TCIRG1: variants seen among roughly 807,000 people sequenced by gnomAD.
TCIRG1 encodes T cell immune regulator 1, ATPase H+ transporting V0 subunit a3.
Under a neutral mutation model 95.5 loss-of-function variants are expected in TCIRG1, and 86 were observed. That is an observed-to-expected ratio of 0.90 (90% CI 0.76 to 1.08). The LOEUF (loss-of-function observed/expected upper bound fraction) is 1.08. TCIRG1 is among the 50% of genes least tolerant of loss of function. TCIRG1 has a pLI of 0.00. For synonymous variants in TCIRG1, 499 were observed against 501.3 expected, an observed-to-expected ratio of 1.00 and a Z score of 0.06; for missense variants, 1,069 against 1,140.2, an observed-to-expected ratio of 0.94 and a Z score of 0.90.
Position 68,045,021 on chromosome 11 carries a change from A to G in TCIRG1, c.1084A>G (p.Ile362Val), listed in dbSNP as rs757401335. Residue 362 changes from isoleucine (I) to valine (V), a missense_variant, in exon 10 of 20, where the codon ATC (isoleucine) becomes GTC (valine). Transcript: ENST00000265686. ...CTGCCGGGACATGCCCCCCACACTC[A>G]TCCGCACCAACCGCTTCACGGCCAG... The part of the protein sequence containing the change: ...IPCRDMPPTL[I>V]RTNRFTASFQ... 37 of 1,608,104 alleles carry G rather than the reference A, an allele frequency of 2.3e-5. No individual in the cohort carries two copies. Among genetic ancestry groups the G allele is most frequent in the Non-Finnish European group, 3.0e-5 (35 of 1,179,992 alleles).
At chr11:68,047,626 A>C (rs1314873513) in intron 11 of TCIRG1, 21 bp from the exon 12 acceptor site, 1 of 1,612,654 alleles carries the variant, frequency 6.2e-7, no homozygotes, top group Non-Finnish European at 8.5e-7. Flanking sequence ...GCAGCCCCTC[A>C]CCACACCACT....
intron 3 of TCIRG1, 22 bp downstream of exon 3, chr11:68,041,853 A>G (rs1855186906): frequency 3.1e-6 from 5 of 1,588,660 alleles, no homozygotes; most frequent in Non-Finnish European, 4.3e-6. Flanking sequence ...CCAGGCCTAC[A>G]TTCCAGGCAG....
At chr11:68,043,249 G>A in intron 5 of TCIRG1, 122 bp from the exon 6 acceptor site, 3 of 1,481,976 alleles carry the variant, frequency 2.0e-6, no homozygotes, top group Non-Finnish European at 2.7e-6. Flanking sequence ...CTTCCCCTGT[G>A]GGCAGGGCCA....
intron 13 of TCIRG1, 79 bp downstream of exon 13, chr11:68,048,051 C>T (rs1241961803): frequency 2.2e-5 from 28 of 1,286,676 alleles, no homozygotes; most frequent in Admixed American, 3.5e-5. Context: ...GTTCAGCCGT[C>T]CTGCAGCGCT....
chr11:68,049,341 C>A, intron 15 of TCIRG1, 47 bp downstream of exon 15: 1 of 1,552,026 alleles, frequency 6.4e-7, no homozygotes, highest in Non-Finnish European at 8.7e-7. Context: ...CTCATGGGGA[C>A]CCCGCGGTCA....
chr11:68,044,741 G>A, intron 9 of TCIRG1: 1 of 639,758 alleles, frequency 1.6e-6, no homozygotes, highest in South Asian at 1.9e-5. Flanking sequence ...CTAGGAGGCA[G>A]CATGCTTGCC....
chr11:68,049,642 C>G, intron 15 of TCIRG1, 21 bp from the exon 16 acceptor site: 2 of 1,597,668 alleles, frequency 1.3e-6, no homozygotes, highest in Non-Finnish European at 1.7e-6. Context: ...GACGCCCTGA[C>G]TCTCGCCCTC....
At chr11:68,049,458 G>A (rs1189027005) in intron 15 of TCIRG1, 164 bp downstream of exon 15, 4 of 978,948 alleles carry the variant, frequency 4.1e-6, no homozygotes, top group African/African-American at 1.6e-5. Flanking sequence ...TTAGCAGGTG[G>A]CACAACTGGC....
In TCIRG1 at chr11:68,049,275, G is replaced by A. The variant is rs779053640; in HGVS notation, c.1868G>A (p.Arg623Lys). The part of the protein sequence containing the change: ...MFLFSHSPSN[R>K]LLYPRQEVVQ... Reference sequence around the variant, plus strand: ...CTCTTCTCCCACAGCCCCAGCAACAGGCTGCTCTACCCCCGGCAGGTGGGC... The same window carrying A: ...CTCTTCTCCCACAGCCCCAGCAACAAGCTGCTCTACCCCCGGCAGGTGGGC... The change falls in exon 15 of 20, where the codon AGG (arginine) becomes AAG (lysine). Residue 623 changes from arginine (R) to lysine (K), a missense_variant. Physicochemically the swap from Arg to Lys is conservative, Grantham distance 26 (BLOSUM62 2). Coordinates refer to ENST00000265686, the MANE Select transcript of TCIRG1 (RefSeq NM_006019.4). 3.7e-6 allele frequency: 6 copies of A among 1,611,776 alleles called. No homozygotes were observed. In the East Asian group the frequency reaches 1.1e-4, roughly 30 times the overall value.
rs1307439139 is a variant in TCIRG1 at position 68,042,801 on chromosome 11, C to T, written c.355C>T (p.Arg119Trp). 12 of 1,548,324 alleles carry T rather than the reference C, an allele frequency of 7.8e-6. No homozygotes were observed. The highest frequency in any genetic ancestry group is 3.9e-5 in the Admixed American group (2 of 50,936). ...TGTGCGGGGCAACCAGCAGGCCCTG[C>T]GGGCCCAGCTGCACCAGCTGCAGCT... is the stretch of plus-strand genomic sequence containing the variant. ...RDVRGNQQAL[R>W]AQLHQLQLHA... Residue 119 changes from arginine (R) to tryptophan (W), a missense_variant, in exon 4 of 20, where the codon CGG (arginine) becomes TGG (tryptophan). Coordinates refer to ENST00000265686, the MANE Select transcript of TCIRG1 (RefSeq NM_006019.4).
Position 68,043,628 on chromosome 11 carries a change from CAGA to C in TCIRG1, c.692_694del (p.Lys231del). On this transcript the variant is annotated inframe_deletion, in exon 7 of 20. Coordinates refer to ENST00000265686, the MANE Select transcript of TCIRG1 (RefSeq NM_006019.4). ...CTCCTACTGGGGTGAGCAGATCGGA[CAGA>C]AGATCCGCAAGATCACGGACTGGTG... The C allele has an allele frequency of 6.2e-7, 1 of 1,611,020 alleles. No individual in the cohort carries two copies. Among genetic ancestry groups the C allele is most frequent in the Non-Finnish European group, 8.5e-7 (1 of 1,179,152 alleles).
intron 3 of TCIRG1, among the ~76,000 whole-genome samples, chr11:68,042,414 C>G (rs1344142753): frequency 6.6e-6 from 1 of 152,194 alleles, no homozygotes; most frequent in Non-Finnish European, 1.5e-5. Flanking sequence ...GGGGAGACCT[C>G]AGGCCCTCTT....
intron 18 of TCIRG1, 99 bp from the exon 19 acceptor site, chr11:68,050,388 T>C (rs1002799826): frequency 6.2e-7 from 1 of 1,607,472 alleles, no homozygotes; most frequent in Non-Finnish European, 8.5e-7. Flanking sequence ...GGTCCCTCGC[T>C]GGCCCCCCGT....
intron 13 of TCIRG1, 97 bp from the exon 14 acceptor site, chr11:68,048,782 G>A (rs765886440): frequency 1.0e-6 from 1 of 954,286 alleles, no homozygotes; most frequent in South Asian, 1.3e-5. Flanking sequence ...CTCCGAGGGG[G>A]AAAACAGGGT....
chr11:68,043,525 T>C, intron 6 of TCIRG1, 28 bp downstream of exon 6: 1 of 1,583,696 alleles, frequency 6.3e-7, no homozygotes, highest in East Asian at 2.3e-5. Context: ...GGCTGGGGGG[T>C]CCTGGGCAGA....
intron 7 of TCIRG1, 71 bp from the exon 8 acceptor site, chr11:68,043,743 G>T: frequency 6.5e-7 from 1 of 1,538,042 alleles, no homozygotes; most frequent in Non-Finnish European, 8.8e-7. Flanking sequence ...TCCTCCCCAT[G>T]AGCTCCCTTC....
rs772555520 is a variant in TCIRG1 at position 68,047,634 on chromosome 11, A to G, written c.1306-13A>G. The G allele has an allele frequency of 6.2e-7, 1 of 1,613,038 alleles. No individual in the cohort carries two copies. Among genetic ancestry groups the G allele is most frequent in the South Asian group, 1.1e-5 (1 of 91,086 alleles). ...GGGCCAGGCAGCCCCTCACCACACC[A>G]CTGCCCCCCCAGATCTGGCAGACTT... On this transcript the variant is annotated splice_polypyrimidine_tract_variant and intron_variant, in intron 11 of 19. Transcript: ENST00000265686.
intron 8 of TCIRG1, 89 bp downstream of exon 8, chr11:68,043,996 C>G: frequency 7.5e-7 from 1 of 1,330,524 alleles, no homozygotes. Flanking sequence ...GTGCCCTGGC[C>G]TGGCCTCCAG....
Position 68,043,602 on chromosome 11 carries a change from T to A in TCIRG1, c.662T>A (p.Ile221Asn), listed in dbSNP as rs1855293105. 6.2e-7 allele frequency: 1 copy of A among 1,611,224 alleles called. No homozygotes were observed. The highest frequency in any genetic ancestry group is 1.3e-5 in the African/African-American group (1 of 74,900). ...GEPATWMTFL[I>N]SYWGEQIGQK... is the part of the protein sequence containing the mutation. ...CCAGCCACGTGGATGACCTTCCTCATCTCCTACTGGGGTGAGCAGATCGGA... is the reference window on the plus strand; with the variant it reads ...CCAGCCACGTGGATGACCTTCCTCAACTCCTACTGGGGTGAGCAGATCGGA... Residue 221 changes from isoleucine to asparagine, a missense_variant, in exon 7 of 20, where the codon ATC (isoleucine) becomes AAC (asparagine). By Grantham distance (149) the Ile-to-Asn change is moderately radical. Coordinates refer to ENST00000265686, the MANE Select transcript of TCIRG1 (RefSeq NM_006019.4).
Sources: gnomAD v4.1 joint callset for allele counts (sites outside exome capture counted in the v4.1 genomes callset) on GRCh38, gnomAD v4.1.1 for gene constraint, MANE v1.5 for transcripts, NCBI Gene and HGNC (gene_info 2026-07-23, HGNC 2026-07-21) for gene names.